The following ZNF317 variants were observed in gnomAD, a reference collection of about 807,000 sequenced individuals.
ZNF317 encodes KRAB-containing zinc finger protein 317.
In ZNF317, 17 loss-of-function variants were observed where a neutral mutation model predicts 23.4. The observed-to-expected ratio is 0.73, with a 90% CI of 0.50 to 1.09. The LOEUF is 1.09. Ranked by LOEUF, ZNF317 falls within the 50% of genes least tolerant of loss-of-function variation. ZNF317 has a pLI of 0.00. For missense variants in ZNF317, 679 were observed against 796.7 expected (o/e 0.85, Z 1.78); for synonymous variants, 317 against 314.9 (o/e 1.01, Z -0.07).
rs1324806583 is a variant in ZNF317 at position 9,160,080 on chromosome 19, T to C, written c.469-34T>C. ...CTTAGGGTTGCAATGAATATGAGAA[T>C]TGCCTTTGTCAGCACTTACGTCTTA... On this transcript the variant is annotated intron_variant, in intron 6 of 6. Transcript: ENST00000247956. This position sits in a 1 kb window ranked among gnomAD's most constrained non-coding sequence, Gnocchi z 6.8. 3.1e-6 allele frequency: 5 copies of C among 1,611,108 alleles called. No homozygotes were observed. Among genetic ancestry groups the C allele is most frequent in the Non-Finnish European group, 3.4e-6 (4 of 1,177,810 alleles).
intron 1 of ZNF317, among the ~76,000 whole-genome samples, chr19:9,149,806 C>T (rs771157332): frequency 7.9e-5 from 12 of 152,122 alleles, no homozygotes; most frequent in African/African-American, 2.4e-4. Flanking sequence ...CATAAAGTTA[C>T]GGCTGTCATG....
chr19:9,160,178 A>T lies in ZNF317; in HGVS notation c.533A>T (p.Asp178Val), dbSNP rs1301654252. 1 of 1,613,880 alleles carries T rather than the reference A, an allele frequency of 6.2e-7. No homozygotes were observed. The highest frequency in any genetic ancestry group is 8.5e-7 in the Non-Finnish European group (1 of 1,180,016). Residue 178 changes from aspartate (D) to valine (V), a missense_variant, in exon 7 of 7, where the codon GAC becomes GTC. Transcript: ENST00000247956. This position sits in a 1 kb window ranked among gnomAD's most constrained non-coding sequence, Gnocchi z 6.8. ...YAHLFEVFGMDPHLTQPMGRH... is the reference protein window; with the variant it reads ...YAHLFEVFGMVPHLTQPMGRH... ...CACTTGTTCGAAGTCTTTGGCATGG[A>T]CCCTCATCTCACTCAGCCAATGGGA...
At chr19:9,158,226 G>T in intron 5 of ZNF317, 151 bp downstream of exon 5, 4 of 986,854 alleles carry the variant, frequency 4.1e-6, no homozygotes, top group Non-Finnish European at 5.7e-6. Context: ...AAATCTTTTG[G>T]TCCACACACT....
intron 1 of ZNF317, among the ~76,000 whole-genome samples, chr19:9,154,955 C>T (rs796976494): frequency 1.2e-4 from 19 of 152,202 alleles, no homozygotes; most frequent in African/African-American, 3.4e-4. Context: ...CAACACCATT[C>T]GATGTGATTC....
intron 1 of ZNF317, among the ~76,000 whole-genome samples, chr19:9,149,276 C>T (rs2050715638): frequency 1.3e-5 from 2 of 152,040 alleles, no homozygotes; most frequent in South Asian, 4.1e-4. Flanking sequence ...GAGCTCAGGA[C>T]CAGCCTGGCC....
At chr19:9,140,753 T>A (rs2050621488) in intron 1 of ZNF317, among the ~76,000 whole-genome samples, 161 bp downstream of exon 1, 1 of 151,558 alleles carries the variant, frequency 6.6e-6, no homozygotes, top group Non-Finnish European at 1.5e-5. Flanking sequence ...TATGAAAAGC[T>A]GGGGACGCGA....
chr19:9,141,298 A>G (rs529811766), intron 1 of ZNF317, among the ~76,000 whole-genome samples: 39 of 152,326 alleles, frequency 2.6e-4, no homozygotes, highest in African/African-American at 8.9e-4. Context: ...AGACTTACAC[A>G]CACTTAAAAG....
In ZNF317 at chr19:9,161,525, G is replaced by C; in HGVS notation, c.*92G>C. 1 of 1,502,130 alleles carries C rather than the reference G, an allele frequency of 6.7e-7. No homozygotes were observed. The highest frequency in any genetic ancestry group is 1.4e-5 in the South Asian group (1 of 73,938). 93.1% of individuals were successfully genotyped at this position (1,502,130 alleles called of 1,614,324 possible). ...CCTCTGTGAGCTCGCACCTTACTGG[G>C]TGCAAAAGAATCCACGGAACTTGGG... On this transcript the variant is annotated 3_prime_UTR_variant, in exon 7 of 7. Coordinates refer to ENST00000247956, the MANE Select transcript of ZNF317 (RefSeq NM_020933.5). This position sits in a 1 kb window ranked among gnomAD's most constrained non-coding sequence, Gnocchi z 4.0.
At chr19:9,151,432 T>A (rs1171433816) in intron 1 of ZNF317, among the ~76,000 whole-genome samples, 1 of 152,156 alleles carries the variant, frequency 6.6e-6, no homozygotes, top group South Asian at 2.1e-4. Context: ...GTTATAACCC[T>A]GGTAATGTTT....
chr19:9,148,925 T>G (rs1239820474), intron 1 of ZNF317, among the ~76,000 whole-genome samples: 3 of 152,172 alleles, frequency 2.0e-5, no homozygotes, highest in Non-Finnish European at 2.9e-5. Flanking sequence ...GACGACAGAA[T>G]GCATAGTTGT....
At chr19:9,159,968 G>A in intron 6 of ZNF317, 146 bp from the exon 7 acceptor site, 2 of 1,170,710 alleles carry the variant, frequency 1.7e-6, no homozygotes, top group Non-Finnish European at 2.4e-6. Context: ...ATGGGGCAGG[G>A]ACAGCACGTT....
chr19:9,151,595 C>A (rs1368751229), intron 1 of ZNF317, among the ~76,000 whole-genome samples: 1 of 151,968 alleles, frequency 6.6e-6, no homozygotes, highest in Non-Finnish European at 1.5e-5. Flanking sequence ...GAGGTGTGGG[C>A]CACCATACCT....
At chr19:9,149,435 G>A (rs1197574917) in intron 1 of ZNF317, among the ~76,000 whole-genome samples, 1 of 152,090 alleles carries the variant, frequency 6.6e-6, no homozygotes, top group Non-Finnish European at 1.5e-5. Context: ...TCACACTACT[G>A]CACTCCAGCC....
chr19:9,145,948 G>A (rs796255126), intron 1 of ZNF317, among the ~76,000 whole-genome samples: 5 of 151,740 alleles, frequency 3.3e-5, no homozygotes, highest in African/African-American at 1.2e-4. Context: ...GTGTTCCAGG[G>A]GACGCTTATG....
chr19:9,159,489 A>G (rs2050822733), intron 6 of ZNF317, among the ~76,000 whole-genome samples: 1 of 151,760 alleles, frequency 6.6e-6, no homozygotes, highest in African/African-American at 2.4e-5. Flanking sequence ...GGCTTGAGCC[A>G]CCATGCCCAG....
In ZNF317 at chr19:9,160,959, C is replaced by G. The variant is rs369391399; in HGVS notation, c.1314C>G (p.Asn438Lys). ...AGTCCATCCTTAAGACTCACATGAACTCTCACACTGGAGAGAAACCATACG... is the reference window on the plus strand; with the variant it reads ...AGTCCATCCTTAAGACTCACATGAAGTCTCACACTGGAGAGAAACCATACG... ...RNQSILKTHMNSHTGEKPYGC... is the reference protein window; with the variant it reads ...RNQSILKTHMKSHTGEKPYGC... Residue 438 changes from asparagine (N) to lysine (K), a missense_variant, in exon 7 of 7, where the codon AAC (asparagine) becomes AAG (lysine). Transcript: ENST00000247956. The surrounding 1 kb of genome is among the most constrained non-coding windows in gnomAD (Gnocchi z 6.8). 1 of 1,614,142 alleles carries G rather than the reference C, an allele frequency of 6.2e-7. No homozygotes were observed. The highest frequency in any genetic ancestry group is 8.5e-7 in the Non-Finnish European group (1 of 1,180,024).
At chr19:9,152,600 C>T (rs532421636) in intron 1 of ZNF317, among the ~76,000 whole-genome samples, 2 of 152,350 alleles carry the variant, frequency 1.3e-5, no homozygotes, top group South Asian at 2.1e-4. Flanking sequence ...GCCTGATGAT[C>T]TGTCAGTGTC....
intron 1 of ZNF317, among the ~76,000 whole-genome samples, chr19:9,149,580 A>T (rs1042119482): frequency 6.6e-6 from 1 of 151,942 alleles, no homozygotes; most frequent in African/African-American, 2.4e-5. Flanking sequence ...TGGGGGAAAC[A>T]TTTCAAGCAG....
In ZNF317 at chr19:9,161,540, C is replaced by T. The variant is rs2050857503; in HGVS notation, c.*107C>T. The T allele has an allele frequency of 2.7e-6, 4 of 1,475,328 alleles. No individual in the cohort carries two copies. The highest frequency in any genetic ancestry group is 1.4e-5 in the South Asian group (1 of 72,880). 91.4% of individuals were successfully genotyped at this position (1,475,328 alleles called of 1,614,324 possible). On this transcript the variant is annotated 3_prime_UTR_variant, in exon 7 of 7. Coordinates refer to ENST00000247956, the MANE Select transcript of ZNF317 (RefSeq NM_020933.5). This position sits in a 1 kb window ranked among gnomAD's most constrained non-coding sequence, Gnocchi z 4.0. ...ACCTTACTGGGTGCAAAAGAATCCA[C>T]GGAACTTGGGAGAAGTCCAGTTCCT...
Sources: allele counts gnomAD v4.1 joint callset (sites outside exome capture counted in the v4.1 genomes callset), GRCh38; gene constraint gnomAD v4.1.1; non-coding constraint Gnocchi (gnomAD v3.1); transcripts MANE v1.5; gene names NCBI Gene and HGNC (gene_info 2026-07-23, HGNC 2026-07-21).